Variants in FHOD3 observed in about 807,000 individuals in gnomAD.
FHOD3 encodes formin homology 2 domain containing 3.
FHOD3 carries 90 observed loss-of-function variants against 173.0 expected under a neutral mutation model. That is an observed-to-expected ratio of 0.52 (90% CI 0.44 to 0.62). The LOEUF is 0.62. Among genes scored for constraint, FHOD3 ranks in the 20% least tolerant of loss-of-function variants. FHOD3 has a pLI of 0.00. For synonymous variants in FHOD3, 828 were observed against 823.0 expected (o/e 1.01, Z -0.10); for missense variants, 1,945 against 2,034.7 (o/e 0.96, Z 0.85).
intron 3 of FHOD3, among the ~76,000 whole-genome samples, chr18:36,472,615 T>TC (rs1251593018): frequency 6.6e-6 from 1 of 152,222 alleles, no homozygotes; most frequent in African/African-American, 2.4e-5. Flanking sequence ...TACTTCTGTC[T>TC]CTGTGCTTTT....
chr18:36,623,273 C>T (rs1039431512), intron 9 of FHOD3, among the ~76,000 whole-genome samples: 23 of 152,202 alleles, frequency 1.5e-4, no homozygotes, highest in African/African-American at 4.8e-4. Context: ...TGAGGTTAGA[C>T]AAGGAATTAG....
chr18:36,340,480 GATGTT>G (rs1167468850), intron 1 of FHOD3, among the ~76,000 whole-genome samples: 2 of 151,996 alleles, frequency 1.3e-5, no homozygotes, highest in Non-Finnish European at 2.9e-5. Context: ...AATTATTCCA[GATGTT>G]ATAGTCTGTG....
chr18:36,730,707 C>T lies in FHOD3; in HGVS notation c.3479C>T (p.Ala1160Val), dbSNP rs770238411. The change falls in exon 20 of 29, where the codon GCC becomes GTC. Residue 1160 changes from alanine (A) to valine (V), a missense_variant. Physicochemically the swap from Ala to Val is moderately conservative, Grantham distance 64. Transcript: ENST00000590592. ...IIVLDSKRSN[A>V]INIGLTVLPP... ...GTTCTGGATTCCAAGAGGAGTAACG[C>T]CATCAATATTGGTCTGACGGTGCTG... 1 of 1,614,094 alleles carries T rather than the reference C, an allele frequency of 6.2e-7. No individual in the cohort carries two copies. Among genetic ancestry groups the T allele is most frequent in the Non-Finnish European group, 8.5e-7 (1 of 1,179,984 alleles).
chr18:36,391,595 C>T (rs950433678), intron 3 of FHOD3, among the ~76,000 whole-genome samples: 1 of 152,312 alleles, frequency 6.6e-6, no homozygotes, highest in African/African-American at 2.4e-5. Flanking sequence ...TGTAACCAGA[C>T]ATGCCTGGCT....
At chr18:36,557,776 T>C (rs1298555832) in intron 5 of FHOD3, among the ~76,000 whole-genome samples, 1 of 152,232 alleles carries the variant, frequency 6.6e-6, no homozygotes, top group African/African-American at 2.4e-5. Flanking sequence ...TTTCACACAC[T>C]GTGACTTGTA....
intron 3 of FHOD3, among the ~76,000 whole-genome samples, chr18:36,500,617 T>G (rs1036200472): frequency 2.0e-5 from 3 of 152,246 alleles, no homozygotes; most frequent in African/African-American, 7.2e-5. Flanking sequence ...TTTCCTGTAA[T>G]ACTGTCTGTT....
intron 1 of FHOD3, among the ~76,000 whole-genome samples, chr18:36,304,417 T>A (rs577397114): frequency 3.3e-5 from 5 of 152,226 alleles, no homozygotes; most frequent in Non-Finnish European, 7.3e-5. Flanking sequence ...CTTGTGCATA[T>A]ACTGAAATAT....
At chr18:36,324,130 C>T (rs771228973) in intron 1 of FHOD3, among the ~76,000 whole-genome samples, 2 of 152,178 alleles carry the variant, frequency 1.3e-5, no homozygotes, top group Non-Finnish European at 2.9e-5. Context: ...TGCAATGGGA[C>T]AAGATTTGTC....
chr18:36,302,021 A>G, intron 1 of FHOD3, among the ~76,000 whole-genome samples: 1 of 152,228 alleles, frequency 6.6e-6, no homozygotes, highest in East Asian at 1.9e-4. Context: ...AGGGCCAAGT[A>G]CTGATACTGT....
intron 1 of FHOD3, among the ~76,000 whole-genome samples, chr18:36,312,274 G>A (rs2092275867): frequency 6.6e-6 from 1 of 152,000 alleles, no homozygotes; most frequent in African/African-American, 2.4e-5. Flanking sequence ...TGCTCCCTCT[G>A]GCTGTTTGAA....
At chr18:36,407,302 T>C (rs547115785) in intron 3 of FHOD3, among the ~76,000 whole-genome samples, 15 of 152,354 alleles carry the variant, frequency 9.8e-5, no homozygotes, top group South Asian at 2.1e-4. Context: ...ACTTTACAAA[T>C]TCTCTTTTTG....
chr18:36,585,841 A>G (rs1337298532), intron 6 of FHOD3, among the ~76,000 whole-genome samples: 1 of 152,224 alleles, frequency 6.6e-6, no homozygotes, highest in East Asian at 1.9e-4. Flanking sequence ...AAGAACATTT[A>G]GGGAAATGCA....
chr18:36,656,572 G>A (rs1427298995), intron 13 of FHOD3, among the ~76,000 whole-genome samples: 1 of 152,106 alleles, frequency 6.6e-6, no homozygotes, highest in Non-Finnish European at 1.5e-5. Flanking sequence ...TTATAATAAT[G>A]AAATTTCTTA....
chr18:36,423,495 G>C (rs918677016), intron 3 of FHOD3, among the ~76,000 whole-genome samples: 3 of 152,190 alleles, frequency 2.0e-5, no homozygotes, highest in Non-Finnish European at 2.9e-5. Flanking sequence ...TCTGAGAATA[G>C]AAAGAAGGTG....
At chr18:36,670,082 GT>G (rs1377474476) in intron 14 of FHOD3, among the ~76,000 whole-genome samples, 2 of 151,306 alleles carry the variant, frequency 1.3e-5, no homozygotes, top group East Asian at 3.9e-4. Flanking sequence ...ACTTTACATT[GT>G]TTTTGATGAT....
intron 1 of FHOD3, among the ~76,000 whole-genome samples, chr18:36,326,229 T>C (rs909667388): frequency 8.5e-5 from 13 of 152,246 alleles, no homozygotes; most frequent in Admixed American, 2.6e-4. Flanking sequence ...AAGATTCAAA[T>C]ATGCCTGCCA....
chr18:36,311,980 G>C (rs998519829), intron 1 of FHOD3, among the ~76,000 whole-genome samples: 1 of 152,134 alleles, frequency 6.6e-6, no homozygotes, highest in Non-Finnish European at 1.5e-5. Flanking sequence ...CCTGGGCCCA[G>C]CTGTCCTTCT....
chr18:36,311,074 T>C (rs543547377), intron 1 of FHOD3, among the ~76,000 whole-genome samples: 1 of 151,972 alleles, frequency 6.6e-6, no homozygotes, highest in South Asian at 2.1e-4. Flanking sequence ...AGAAAATAAT[T>C]ACAGAAAAGA....
intron 4 of FHOD3, among the ~76,000 whole-genome samples, chr18:36,502,771 C>T (rs1237840678): frequency 6.6e-6 from 1 of 152,106 alleles, no homozygotes; most frequent in Non-Finnish European, 1.5e-5. Flanking sequence ...CCCAAACAAC[C>T]TCTTTCCACC....
Sources: gnomAD v4.1 joint callset for allele counts (sites outside exome capture counted in the v4.1 genomes callset) on GRCh38, gnomAD v4.1.1 for gene constraint, MANE v1.5 for transcripts, NCBI Gene and HGNC (gene_info 2026-07-23, HGNC 2026-07-21) for gene names.